The following THRB variants were observed in gnomAD, a reference collection of about 807,000 sequenced individuals.
THRB encodes nuclear receptor subfamily 1 group A member 2.
THRB carries 12 observed loss-of-function variants against 47.8 expected under a neutral mutation model. That is an observed-to-expected ratio of 0.25 (90% confidence interval 0.16 to 0.41). THRB has a LOEUF of 0.41. Ranked by LOEUF, THRB falls within the 10% of genes least tolerant of loss-of-function variation. The probability of loss-of-function intolerance (pLI) is 1.00; values close to 1 mark genes in which losing one functional copy is unlikely to be tolerated. For synonymous variants in THRB, 218 were observed against 212.2 expected, an observed-to-expected ratio of 1.03 and a Z score of -0.24; for missense variants, 348 against 589.2, an observed-to-expected ratio of 0.59 and a Z score of 4.24.
chr3:24,418,988 C>A (rs889637084), intron 1 of THRB, among the ~76,000 whole-genome samples: 1 of 151,884 alleles, frequency 6.6e-6, no homozygotes, highest in East Asian at 2.0e-4. Context: ...ACCCCCCATA[C>A]CTGCAGTGCC....
chr3:24,292,880 C>T lies in THRB; in HGVS notation c.-43+4346G>A, dbSNP rs551177314. ...CTTGGACTATACAAAACATTGGGGT[C>T]CCATAAACTACACTGAGGCATTTCA... On this transcript the variant is annotated intron_variant, in intron 3 of 10. Transcript: ENST00000646209. Among the ~76,000 whole-genome samples the T allele has an allele frequency of 7.9e-5, 12 of 152,110 alleles. No individual in the cohort carries two copies. In the South Asian group the frequency reaches 2.3e-3, roughly 29 times the overall value.
At chr3:24,225,518 C>A (rs2047566944) in intron 4 of THRB, among the ~76,000 whole-genome samples, 1 of 152,168 alleles carries the variant, frequency 6.6e-6, no homozygotes, top group Non-Finnish European at 1.5e-5. Flanking sequence ...AGCTTTATGC[C>A]ATATCCTAAT....
chr3:24,343,072 T>C (rs2062784334), intron 1 of THRB, among the ~76,000 whole-genome samples: 1 of 152,194 alleles, frequency 6.6e-6, no homozygotes, highest in Non-Finnish European at 1.5e-5. Context: ...GATAATATAA[T>C]ACCTGTTGTG....
At chr3:24,278,526 T>C (rs1361621938) in intron 3 of THRB, among the ~76,000 whole-genome samples, 5 of 152,234 alleles carry the variant, frequency 3.3e-5, no homozygotes, top group Non-Finnish European at 5.9e-5. Flanking sequence ...CATAATATTA[T>C]CATTTATACA....
At chr3:24,395,961 T>C (rs991172289) in intron 1 of THRB, among the ~76,000 whole-genome samples, 3 of 152,004 alleles carry the variant, frequency 2.0e-5, no homozygotes, top group African/African-American at 7.2e-5. Context: ...AGACAGAAAG[T>C]AGATAAGTAG....
At chr3:24,410,203 C>T (rs2068166238) in intron 1 of THRB, among the ~76,000 whole-genome samples, 1 of 151,724 alleles carries the variant, frequency 6.6e-6, no homozygotes, top group Non-Finnish European at 1.5e-5. Flanking sequence ...TCCAGAAGCT[C>T]CCTACTGGGA....
At chr3:24,486,888 T>G (rs1697381362) in intron 1 of THRB, among the ~76,000 whole-genome samples, 1 of 152,362 alleles carries the variant, frequency 6.6e-6, no homozygotes, top group East Asian at 1.9e-4. Context: ...AGGTACTTTA[T>G]TCTAGATCTC....
chr3:24,487,798 ATT>A, intron 1 of THRB, among the ~76,000 whole-genome samples: 1 of 152,348 alleles, frequency 6.6e-6, no homozygotes, highest in Non-Finnish European at 1.5e-5. Context: ...TTGTTAAGAC[ATT>A]TATGACTATA....
rs115815610 is a variant in THRB at position 24,485,691 on chromosome 3, G to A, written c.-261+8961C>T. 4.1e-3 allele frequency among the ~76,000 whole-genome samples: 629 copies of A among 152,172 alleles called. 5 individuals carry two copies. Among genetic ancestry groups the A allele is most frequent in the African/African-American group, 0.015 (609 of 41,512 alleles). On this transcript the variant is annotated intron_variant, in intron 1 of 10. Transcript: ENST00000646209. ...AGTCCTTTGCACATGAGTCAGGCTG[G>A]GCTCCTTACAATTTCCCAAATGCTT...
At chr3:24,457,841 G>C (rs2073332365) in intron 1 of THRB, 2 of 152,206 alleles carry the variant, frequency 1.3e-5, no homozygotes, top group African/African-American at 2.4e-5. Flanking sequence ...AGATTTCCCA[G>C]TGAGGACATT....
chr3:24,285,731 T>C (rs1188944305), intron 3 of THRB, among the ~76,000 whole-genome samples: 1 of 152,208 alleles, frequency 6.6e-6, no homozygotes, highest in African/African-American at 2.4e-5. Flanking sequence ...TCTGCTATCA[T>C]ATAAACAATT....
intron 1 of THRB, among the ~76,000 whole-genome samples, chr3:24,377,967 A>C (rs2065417944): frequency 6.6e-6 from 1 of 152,214 alleles, no homozygotes; most frequent in Non-Finnish European, 1.5e-5. Flanking sequence ...ATCCAGTGGC[A>C]AAGCTTAAAG....
intron 4 of THRB, among the ~76,000 whole-genome samples, chr3:24,193,652 G>A (rs1210026293): frequency 6.6e-6 from 1 of 152,034 alleles, no homozygotes; most frequent in Non-Finnish European, 1.5e-5. Flanking sequence ...TCAGATTGCA[G>A]GTATGGATGT....
intron 1 of THRB, among the ~76,000 whole-genome samples, chr3:24,376,289 T>C (rs2065280105): frequency 6.6e-6 from 1 of 152,202 alleles, no homozygotes; most frequent in African/African-American, 2.4e-5. Context: ...GCTTTATGTT[T>C]ACCTTGGCTT....
intron 2 of THRB, among the ~76,000 whole-genome samples, chr3:24,320,293 T>C (rs563908511): frequency 1.5e-3 from 224 of 152,232 alleles, no homozygotes; most frequent in Middle Eastern, 3.4e-3. Context: ...TCCAGAAAAA[T>C]GTATTGTCTG....
intron 2 of THRB, among the ~76,000 whole-genome samples, chr3:24,316,639 A>T (rs2058131929): frequency 6.6e-6 from 1 of 152,078 alleles, no homozygotes; most frequent in African/African-American, 2.4e-5. Flanking sequence ...ATCTCTCCAG[A>T]GGGTGGTTTA....
In THRB at chr3:24,233,560, G is replaced by GAAGGAAGAAAGAAAGA. The variant is rs1553658178; in HGVS notation, c.-42-4560_-42-4559insTCTTTCTTTCTTCCTT. Among the ~76,000 whole-genome samples, 299 of 77,326 alleles carry GAAGGAAGAAAGAAAGA rather than the reference G, an allele frequency of 3.9e-3. 3 individuals carry two copies. The highest frequency in any genetic ancestry group is 8.1e-3 in the African/African-American group (170 of 21,108). 50.7% of individuals were successfully genotyped at this position (77,326 alleles called of 152,430 possible). On this transcript the variant is annotated intron_variant, in intron 3 of 10. Transcript: ENST00000646209. ...GAAAGAAAGAGAAAGAAAGAAAAAGGAAGAAAGAAAGAAAGAAAGAAAGAA... is the reference window on the plus strand; with the variant it reads ...GAAAGAAAGAGAAAGAAAGAAAAAGGAAGGAAGAAAGAAAGAAAGAAAGAAAGAAAGAAAGAAAGAA...
intron 4 of THRB, among the ~76,000 whole-genome samples, chr3:24,201,184 C>T (rs957123519): frequency 6.6e-6 from 1 of 151,726 alleles, no homozygotes; most frequent in African/African-American, 2.4e-5. Flanking sequence ...CTGTCTTTTC[C>T]ATATCTTCCT....
intron 1 of THRB, among the ~76,000 whole-genome samples, chr3:24,383,103 T>C (rs959167037): frequency 6.6e-6 from 1 of 152,192 alleles, no homozygotes; most frequent in African/African-American, 2.4e-5. Flanking sequence ...TAATTATACA[T>C]TTACTTGTTT....
Sources: gnomAD v4.1 joint callset for allele counts (sites outside exome capture counted in the v4.1 genomes callset) on GRCh38, gnomAD v4.1.1 for gene constraint, MANE v1.5 for transcripts, NCBI Gene and HGNC (gene_info 2026-07-23, HGNC 2026-07-21) for gene names.